The following ZMAT4 variants were observed in gnomAD, a reference collection of about 807,000 sequenced individuals.
ZMAT4 encodes zinc finger matrin-type 4.
Under a neutral mutation model 28.7 loss-of-function variants are expected in ZMAT4, and 17 were observed. The observed-to-expected ratio is 0.59, with a 90% CI of 0.41 to 0.89. ZMAT4 has a LOEUF of 0.89. Among genes scored for constraint, ZMAT4 ranks in the 40% least tolerant of loss-of-function variants. ZMAT4 has a pLI of 0.00. For synonymous variants in ZMAT4, 117 were observed against 109.2 expected (o/e 1.07, Z -0.44); for missense variants, 240 against 283.8 (o/e 0.85, Z 1.11).
At chr8:40,781,050 G>C (rs547982133) in intron 2 of ZMAT4, among the ~76,000 whole-genome samples, 1 of 152,072 alleles carries the variant, frequency 6.6e-6, no homozygotes, top group African/African-American at 2.4e-5. Flanking sequence ...GCAACAAATT[G>C]TGGGGGTGAG....
intron 5 of ZMAT4, among the ~76,000 whole-genome samples, chr8:40,635,782 TA>T (rs1419935648): frequency 1.3e-5 from 2 of 152,174 alleles, no homozygotes; most frequent in Non-Finnish European, 2.9e-5. Context: ...AAAAGGCCCC[TA>T]AAAAATATTT....
At chr8:40,793,993 A>G (rs1814474986) in intron 2 of ZMAT4, among the ~76,000 whole-genome samples, 1 of 152,188 alleles carries the variant, frequency 6.6e-6, no homozygotes, top group African/African-American at 2.4e-5. Flanking sequence ...TGGTATTCTC[A>G]TTCAGTTAAG....
At chr8:40,854,788 T>G (rs1817237469) in intron 1 of ZMAT4, among the ~76,000 whole-genome samples, 1 of 152,164 alleles carries the variant, frequency 6.6e-6, no homozygotes, top group Non-Finnish European at 1.5e-5. Flanking sequence ...CAAAAGCCCC[T>G]GCCTGGGTAC....
intron 3 of ZMAT4, among the ~76,000 whole-genome samples, chr8:40,701,506 A>ATTTTTTTTTT (rs58912869): frequency 1.4e-5 from 1 of 73,888 alleles, no homozygotes; most frequent in Non-Finnish European, 2.5e-5. Context: ...ACTATGCAGA[A>ATTTTTTTTTT]TTTTTTTTTT....
At chr8:40,607,406 A>C (rs1805635003) in intron 5 of ZMAT4, among the ~76,000 whole-genome samples, 3 of 152,060 alleles carry the variant, frequency 2.0e-5, no homozygotes, top group African/African-American at 7.2e-5. Flanking sequence ...CTGGGATTAC[A>C]GGCATGAGCC....
chr8:40,553,976 A>G (rs1265970690), intron 6 of ZMAT4, among the ~76,000 whole-genome samples: 1 of 152,192 alleles, frequency 6.6e-6, no homozygotes, highest in African/African-American at 2.4e-5. Flanking sequence ...GGTGAAAGAA[A>G]TTAACAAGAG....
intron 3 of ZMAT4, among the ~76,000 whole-genome samples, chr8:40,758,249 G>C (rs1291503737): frequency 1.3e-5 from 2 of 152,112 alleles, no homozygotes; most frequent in African/African-American, 4.8e-5. Flanking sequence ...ACAACTGAAG[G>C]ACAGAAATGG....
intron 1 of ZMAT4, among the ~76,000 whole-genome samples, chr8:40,854,084 G>A (rs548799144): frequency 2.0e-5 from 3 of 152,242 alleles, no homozygotes; most frequent in Admixed American, 6.5e-5. Flanking sequence ...TTAACAAACA[G>A]ATTTCATGTT....
At chr8:40,739,709 G>A (rs773819828) in intron 3 of ZMAT4, among the ~76,000 whole-genome samples, 6 of 152,096 alleles carry the variant, frequency 3.9e-5, no homozygotes, top group Non-Finnish European at 5.9e-5. Context: ...TACCTGTGCC[G>A]TGGTGTTCTG....
At chr8:40,599,827 C>T (rs995278204) in intron 5 of ZMAT4, among the ~76,000 whole-genome samples, 1 of 152,162 alleles carries the variant, frequency 6.6e-6, no homozygotes, top group Non-Finnish European at 1.5e-5. Context: ...GGCCCCCGCC[C>T]CTCCTCCCAG....
At chr8:40,560,364 A>AT (rs1563340308) in intron 6 of ZMAT4, among the ~76,000 whole-genome samples, 1 of 152,112 alleles carries the variant, frequency 6.6e-6, no homozygotes, top group Non-Finnish European at 1.5e-5. Context: ...GCAGAAATAT[A>AT]TTTTTTCATT....
chr8:40,618,390 G>A (rs1806087995), intron 5 of ZMAT4, among the ~76,000 whole-genome samples: 1 of 152,076 alleles, frequency 6.6e-6, no homozygotes. Flanking sequence ...GAGGGGCTGG[G>A]GAAACAGTGA....
intron 3 of ZMAT4, among the ~76,000 whole-genome samples, chr8:40,737,544 G>T (rs1226304653): frequency 6.6e-6 from 1 of 152,160 alleles, no homozygotes; most frequent in African/African-American, 2.4e-5. Context: ...ATATGCTCAA[G>T]AGCAGGTGAG....
intron 1 of ZMAT4, among the ~76,000 whole-genome samples, chr8:40,876,048 G>A (rs536044748): frequency 6.6e-6 from 1 of 152,306 alleles, no homozygotes; most frequent in East Asian, 1.9e-4. Flanking sequence ...GATTGGGCTT[G>A]TAGAATTAAA....
rs191895197 is a variant in ZMAT4 at position 40,614,723 on chromosome 8, T to C, written c.578-33462A>G. Among the ~76,000 whole-genome samples the C allele has an allele frequency of 1.9e-4, 29 of 152,350 alleles. No individual in the cohort carries two copies. The East Asian group carries it at 5.2e-3, about 27-fold the overall frequency. The stretch of plus-strand genomic sequence containing the variant: ...TTGATCTTTGTTTGTTTAAAGACTG[T>C]TTTATCAGAGACTAGGATTGCAACC... On this transcript the variant is annotated intron_variant, in intron 5 of 6. Transcript: ENST00000297737.
intron 4 of ZMAT4, among the ~76,000 whole-genome samples, chr8:40,680,700 GTACACACACACACA>G (rs1256149348): frequency 4.7e-5 from 7 of 149,212 alleles, no homozygotes; most frequent in African/African-American, 7.4e-5. Context: ...CATGTCTAAT[GTACACACACACACA>G]CACACACACA....
chr8:40,897,199 G>T (rs1048657173), intron 1 of ZMAT4, among the ~76,000 whole-genome samples: 3 of 152,138 alleles, frequency 2.0e-5, no homozygotes, highest in Non-Finnish European at 4.4e-5. Flanking sequence ...GCAGGAAGGA[G>T]GCAGAAGTTT....
At chr8:40,734,268 G>A (rs375322863) in intron 3 of ZMAT4, among the ~76,000 whole-genome samples, 1 of 152,122 alleles carries the variant, frequency 6.6e-6, no homozygotes, top group Admixed American at 6.6e-5. Context: ...CTAAGTACCT[G>A]TAACACCCCA....
At chr8:40,624,468 C>T (rs1290913224) in intron 5 of ZMAT4, among the ~76,000 whole-genome samples, 1 of 152,186 alleles carries the variant, frequency 6.6e-6, no homozygotes, top group Non-Finnish European at 1.5e-5. Flanking sequence ...TACAGCAGCC[C>T]AAACTAAGAT....
Sources: allele counts gnomAD v4.1 joint callset (sites outside exome capture counted in the v4.1 genomes callset), GRCh38; gene constraint gnomAD v4.1.1; transcripts MANE v1.5; gene names NCBI Gene and HGNC (gene_info 2026-07-23, HGNC 2026-07-21).